The following SBF2 variants were observed in gnomAD, a reference collection of about 807,000 sequenced individuals.
The protein encoded by SBF2 is myotubularin-related protein 13.
In SBF2, 112 loss-of-function variants were observed where a neutral mutation model predicts 225.2. That is an observed-to-expected ratio of 0.50 (90% CI 0.43 to 0.58). The LOEUF (loss-of-function observed/expected upper bound fraction) is 0.58, where lower values mean the gene tolerates loss of function less well. Among genes scored for constraint, SBF2 ranks in the 20% least tolerant of loss-of-function variants. The pLI, the probability that SBF2 is intolerant of heterozygous loss-of-function variation, is 0.00. For missense variants in SBF2, 1,996 were observed against 2,206.2 expected (o/e 0.90, Z 1.91); for synonymous variants, 763 against 773.3 (o/e 0.99, Z 0.22).
chr11:9,810,106 T>C (rs1854095466), intron 30 of SBF2: 1 of 152,036 alleles, frequency 6.6e-6, no homozygotes, highest in African/African-American at 2.4e-5. Context: ...CAAAACCCCA[T>C]CTCTACAAAA....
intron 2 of SBF2, among the ~76,000 whole-genome samples, chr11:10,088,367 A>T (rs751776533): frequency 6.6e-6 from 1 of 152,202 alleles, no homozygotes; most frequent in Non-Finnish European, 1.5e-5. Context: ...AGATGTGGCC[A>T]TTCCACAGAA....
chr11:9,841,284 A>G (rs1856120352), intron 25 of SBF2, among the ~76,000 whole-genome samples: 1 of 152,202 alleles, frequency 6.6e-6, no homozygotes, highest in East Asian at 1.9e-4. Context: ...TAGTAGAATA[A>G]TTATCATAGA....
Position 10,218,974 on chromosome 11 carries a change from A to G in SBF2, c.56-24987T>C, listed in dbSNP as rs1349021785. Among the ~76,000 whole-genome samples the G allele has an allele frequency of 2.0e-5, 3 of 152,018 alleles. No individual in the cohort carries two copies. The East Asian group carries it at 5.8e-4, about 29-fold the overall frequency. Reference sequence around the variant, plus strand: ...GCTATTGAGTGTCTGTGGCTTTTCCAGGTGCATAGTGCAAGCTGTCAGTGG... The same window carrying G: ...GCTATTGAGTGTCTGTGGCTTTTCCGGGTGCATAGTGCAAGCTGTCAGTGG... On this transcript the variant is annotated intron_variant, in intron 1 of 39. Transcript: ENST00000256190.
intron 39 of SBF2, 167 bp from the exon 40 acceptor site, chr11:9,780,683 G>A: frequency 1.5e-6 from 1 of 667,558 alleles, no homozygotes; most frequent in Non-Finnish European, 2.7e-6. Context: ...TTACTTTTGT[G>A]GTCTCTAGAG....
At chr11:9,910,216 A>G (rs1862485641) in intron 16 of SBF2, among the ~76,000 whole-genome samples, 1 of 152,122 alleles carries the variant, frequency 6.6e-6, no homozygotes. Context: ...ACTATAATGG[A>G]GCTGAAAAAT....
At chr11:10,287,206 A>G (rs74236271) in intron 1 of SBF2, among the ~76,000 whole-genome samples, 3,119 of 152,330 alleles carry the variant, frequency 0.02, 101 homozygotes, top group African/African-American at 0.063. Context: ...TGACTGCCAG[A>G]TGCTAGAAAG....
intron 17 of SBF2, among the ~76,000 whole-genome samples, chr11:9,860,775 T>C (rs1857670870): frequency 6.6e-6 from 1 of 152,236 alleles, no homozygotes; most frequent in South Asian, 2.1e-4. Flanking sequence ...TGTTGAAGTC[T>C]TGAAATTATA....
rs1166081188 is a variant in SBF2, at chr11:9,974,960, C to CAAAAAAAAAAAAAAAAAAAAAAAAA, written c.1396-6440_1396-6416dup. On this transcript the variant is annotated intron_variant, in intron 13 of 39. Coordinates refer to ENST00000256190, the MANE Select transcript of SBF2 (RefSeq NM_030962.4). The stretch of plus-strand genomic sequence containing the variant: ...GGGCAACAACAGCGAAACTTTGACT[C>CAAAAAAAAAAAAAAAAAAAAAAAAA]AAAAAAAAAAAAAAAAAAAAAAAAA... Among the ~76,000 whole-genome samples, 44 of 23,270 alleles carry CAAAAAAAAAAAAAAAAAAAAAAAAA rather than the reference C, an allele frequency of 1.9e-3. 12 individuals carry two copies. Among genetic ancestry groups the CAAAAAAAAAAAAAAAAAAAAAAAAA allele is most frequent in the Non-Finnish European group, 2.6e-3 (29 of 11,168 alleles). The allele number at this position is 23,270 out of a possible 152,430, so 15.3% of individuals were successfully genotyped here.
intron 2 of SBF2, among the ~76,000 whole-genome samples, chr11:10,124,026 T>C (rs754151361): frequency 2.1e-4 from 32 of 152,344 alleles, no homozygotes; most frequent in Middle Eastern, 3.4e-3. Flanking sequence ...AAACATTTTA[T>C]GGTTTGGCCA....
intron 28 of SBF2, chr11:9,828,301 T>C: frequency 8.0e-7 from 1 of 1,246,846 alleles, no homozygotes; most frequent in Non-Finnish European, 1.0e-6. Context: ...TATCTTCAGG[T>C]GTAGCATGTT....
At chr11:10,185,543 C>T (rs1956902965) in intron 2 of SBF2, among the ~76,000 whole-genome samples, 1 of 151,732 alleles carries the variant, frequency 6.6e-6, no homozygotes, top group African/African-American at 2.4e-5. Flanking sequence ...CTGCCTCCAA[C>T]TACTAGGCTC....
Position 10,266,565 on chromosome 11 carries a change from T to TA in SBF2, c.55+27449dup, listed in dbSNP as rs199635932. Among the ~76,000 whole-genome samples the TA allele has an allele frequency of 3.8e-3, 582 of 151,734 alleles. 3 individuals are homozygous for TA. The highest frequency in any genetic ancestry group is 0.027 in the Middle Eastern group (8 of 292). ...TACAAAGTGACATAAACATTCCTTT[T>TA]AAAAAAAAATTACTCTGGTGGCAAT... On this transcript the variant is annotated intron_variant, in intron 1 of 39. Coordinates refer to ENST00000256190, the MANE Select transcript of SBF2 (RefSeq NM_030962.4).
intron 16 of SBF2, among the ~76,000 whole-genome samples, chr11:9,933,989 G>C (rs1864695402): frequency 6.6e-6 from 1 of 152,172 alleles, no homozygotes; most frequent in South Asian, 2.1e-4. Flanking sequence ...GGCTGAGGTA[G>C]GAGAATGGCA....
At position 9,842,844 on chromosome 11, in the gene SBF2, C is replaced by T. The variant is rs1590202180; in HGVS notation, c.3111-74G>A. 3 of 1,484,768 alleles carry T rather than the reference C, an allele frequency of 2.0e-6. No individual in the cohort carries two copies. The East Asian group carries it at 6.8e-5, about 34-fold the overall frequency. The allele number at this position is 1,484,768 out of a possible 1,614,324, so 92.0% of individuals were successfully genotyped here. A position where few individuals can be genotyped will look rare whatever the true frequency, so the allele number is the denominator to read the frequency against. On this transcript the variant is annotated intron_variant, in intron 24 of 39. Coordinates refer to ENST00000256190, the MANE Select transcript of SBF2 (RefSeq NM_030962.4). Reference sequence around the variant, plus strand: ...ACTTGTATTGTTGACACCTACTTAGCTCAAATTGTTTCTTCTCCTTTCCCA... The same window carrying T: ...ACTTGTATTGTTGACACCTACTTAGTTCAAATTGTTTCTTCTCCTTTCCCA...
intron 2 of SBF2, among the ~76,000 whole-genome samples, chr11:10,066,586 A>G (rs1320430852): frequency 6.6e-6 from 1 of 152,236 alleles, no homozygotes; most frequent in African/African-American, 2.4e-5. Flanking sequence ...TCTGTTAAAA[A>G]CTCTGAGTAC....
chr11:10,185,337 T>A (rs1956895555), intron 2 of SBF2, among the ~76,000 whole-genome samples: 1 of 152,228 alleles, frequency 6.6e-6, no homozygotes, highest in Non-Finnish European at 1.5e-5. Flanking sequence ...TTTTGAAGAC[T>A]CTCCATACCA....
intron 1 of SBF2, among the ~76,000 whole-genome samples, chr11:10,286,180 A>G (rs964506647): frequency 2.0e-5 from 3 of 151,892 alleles, no homozygotes; most frequent in Non-Finnish European, 4.4e-5. Context: ...ACACACACAC[A>G]CACACACACA....
chr11:10,236,522 C>G (rs185181797), intron 1 of SBF2, among the ~76,000 whole-genome samples: 221 of 152,194 alleles, frequency 1.5e-3, no homozygotes, highest in African/African-American at 4.8e-3. Context: ...TGCAGTGGCG[C>G]GATCTCAGCT....
In SBF2 at chr11:10,000,992, C is replaced by T. The variant is rs759932929; in HGVS notation, c.783G>A (p.Gln261=). The T allele has an allele frequency of 1.2e-6, 2 of 1,601,254 alleles. No individual in the cohort carries two copies. The highest frequency in any genetic ancestry group is 1.3e-5 in the African/African-American group (1 of 74,592). The change falls in exon 8 of 40, where the codon CAG becomes CAA. Residue 261 remains glutamine, a synonymous_variant. Transcript: ENST00000256190. The part of the protein sequence containing the change: ...SYPYIPILPA[Q]LLEVLSSPTP... The stretch of plus-strand genomic sequence containing the variant: ...TTGGGGAACTTAGAACTTCCAGTAG[C>T]TGAGCCGGGAGAATAGGGATATAAG...
Sources: allele counts gnomAD v4.1 joint callset (sites outside exome capture counted in the v4.1 genomes callset), GRCh38; gene constraint gnomAD v4.1.1; transcripts MANE v1.5; gene names NCBI Gene and HGNC (gene_info 2026-07-23, HGNC 2026-07-21).